The following CNIH3 variants were observed in gnomAD, a reference collection of about 807,000 sequenced individuals.
CNIH3 encodes protein cornichon homolog 3.
A neutral mutation model predicts 24.1 loss-of-function variants in CNIH3; 14 were observed. That is an observed-to-expected ratio of 0.58 (90% CI 0.38 to 0.91). The LOEUF (loss-of-function observed/expected upper bound fraction) is 0.91, where lower values mean the gene tolerates loss of function less well. CNIH3 is among the 40% of genes least tolerant of loss of function. The pLI is 0.00. For missense variants in CNIH3, 178 were observed against 196.8 expected, an observed-to-expected ratio of 0.90 and a Z score of 0.57; for synonymous variants, 68 against 73.8, an observed-to-expected ratio of 0.92 and a Z score of 0.40.
At chr1:224,463,784 T>A (rs1207656758) in intron 1 of CNIH3, among the ~76,000 whole-genome samples, 12 of 115,608 alleles carry the variant, frequency 1.0e-4, no homozygotes, top group South Asian at 3.1e-4. Context: ...TTTTTTTTTT[T>A]TTTTTTTTTT....
chr1:224,639,489 C>T (rs910836295), intron 1 of CNIH3, among the ~76,000 whole-genome samples: 5 of 152,180 alleles, frequency 3.3e-5, no homozygotes, highest in African/African-American at 4.8e-5. Flanking sequence ...AAAGGAACAG[C>T]GTGATAAGCA....
chr1:224,636,708 C>G (rs534262170), intron 1 of CNIH3, among the ~76,000 whole-genome samples: 1 of 152,164 alleles, frequency 6.6e-6, no homozygotes, highest in East Asian at 1.9e-4. Flanking sequence ...CTCCACAACT[C>G]CTAATTGGAT....
intron 1 of CNIH3, among the ~76,000 whole-genome samples, chr1:224,473,504 T>G (rs1025568937): frequency 6.6e-6 from 1 of 152,182 alleles, no homozygotes; most frequent in Non-Finnish European, 1.5e-5. Flanking sequence ...GTAGCTATAC[T>G]TATATCACAC....
At chr1:224,530,765 A>G (rs918684256) in intron 2 of CNIH3, among the ~76,000 whole-genome samples, 1 of 151,934 alleles carries the variant, frequency 6.6e-6, no homozygotes, top group Non-Finnish European at 1.5e-5. Context: ...ATGTGCGGCT[A>G]ATTTTTGTAT....
intron 1 of CNIH3, among the ~76,000 whole-genome samples, chr1:224,657,229 G>C (rs2125111976): frequency 6.6e-6 from 1 of 152,218 alleles, no homozygotes; most frequent in Non-Finnish European, 1.5e-5. Flanking sequence ...GACAGGAATG[G>C]AGGTGAGCAC....
upstream of CNIH3, among the ~76,000 whole-genome samples, chr1:224,512,914 C>T (rs1678216805): frequency 6.6e-6 from 1 of 152,190 alleles, no homozygotes. Flanking sequence ...GGAGACCTGG[C>T]TCTCCCGCTT....
chr1:224,461,608 C>T (rs1300739996), intron 1 of CNIH3, among the ~76,000 whole-genome samples: 1 of 152,190 alleles, frequency 6.6e-6, no homozygotes, highest in Non-Finnish European at 1.5e-5. Context: ...CTTCAGTTAC[C>T]ATAGTGATTT....
chr1:224,721,784 T>G (rs1162463571), intron 3 of CNIH3, among the ~76,000 whole-genome samples: 1 of 152,038 alleles, frequency 6.6e-6, no homozygotes, highest in African/African-American at 2.4e-5. Context: ...TGAGGCTGAA[T>G]GAAGAGGGGG....
chr1:224,603,936 C>G (rs559873039), intron 3 of CNIH3, among the ~76,000 whole-genome samples: 1 of 152,082 alleles, frequency 6.6e-6, no homozygotes, highest in Non-Finnish European at 1.5e-5. Flanking sequence ...ATATTTTATT[C>G]GTAAATTCTT....
intron 1 of CNIH3, among the ~76,000 whole-genome samples, chr1:224,438,654 A>G (rs972957848): frequency 6.6e-6 from 1 of 152,176 alleles, no homozygotes; most frequent in Non-Finnish European, 1.5e-5. Flanking sequence ...TTTCTTTGGA[A>G]CACTAAAATT....
At chr1:224,588,997 T>C (rs1305311113), downstream of CNIH3, among the ~76,000 whole-genome samples, 1 of 113,266 alleles carries the variant, frequency 8.8e-6, no homozygotes, top group South Asian at 3.5e-4. Context: ...GCCATTTTAC[T>C]GAGAAGCATG....
chr1:224,545,470 T>C (rs1354640396), intron 2 of CNIH3, among the ~76,000 whole-genome samples: 1 of 152,196 alleles, frequency 6.6e-6, no homozygotes, highest in Non-Finnish European at 1.5e-5. Context: ...GCTACCCAAA[T>C]TCCCAGGCAT....
chr1:224,579,939 C>T (rs1681201290), intron 4 of CNIH3, among the ~76,000 whole-genome samples: 1 of 152,184 alleles, frequency 6.6e-6, no homozygotes, highest in Non-Finnish European at 1.5e-5. Flanking sequence ...GTATTCCTTT[C>T]TAGCAACACA....
chr1:224,691,700 C>T (rs1686940564), intron 3 of CNIH3, among the ~76,000 whole-genome samples: 2 of 152,184 alleles, frequency 1.3e-5, no homozygotes, highest in African/African-American at 2.4e-5. Context: ...TCCTGACATG[C>T]GTAGATGTAA....
intron 3 of CNIH3, among the ~76,000 whole-genome samples, chr1:224,609,563 C>T (rs892621384): frequency 6.6e-6 from 1 of 152,112 alleles, no homozygotes; most frequent in African/African-American, 2.4e-5. Flanking sequence ...GGCTGGGAAG[C>T]AAGAGAGTAA....
At chr1:224,628,433 C>T (rs1219401194) in intron 1 of CNIH3, among the ~76,000 whole-genome samples, 2 of 152,072 alleles carry the variant, frequency 1.3e-5, no homozygotes, top group African/African-American at 4.8e-5. Context: ...TAAACAGTAG[C>T]TCCCCATTCT....
intron 1 of CNIH3, among the ~76,000 whole-genome samples, chr1:224,641,175 A>G (rs983269151): frequency 1.3e-5 from 2 of 152,172 alleles, no homozygotes; most frequent in East Asian, 1.9e-4. Context: ...CTCGGCATAC[A>G]TCGGCACTAC....
intron 2 of CNIH3, among the ~76,000 whole-genome samples, chr1:224,522,074 A>G (rs1190754515): frequency 2.0e-5 from 3 of 152,210 alleles, no homozygotes; most frequent in African/African-American, 7.2e-5. Flanking sequence ...CTTAGGACTC[A>G]CAGCATGTGC....
intron 3 of CNIH3, among the ~76,000 whole-genome samples, chr1:224,559,754 G>A (rs1292015405): frequency 6.6e-6 from 1 of 152,050 alleles, no homozygotes; most frequent in Non-Finnish European, 1.5e-5. Context: ...TGTTAGTAAA[G>A]TTTTTTTGAA....
Sources: gnomAD v4.1 joint callset for allele counts (sites outside exome capture counted in the v4.1 genomes callset) on GRCh38, gnomAD v4.1.1 for gene constraint, MANE v1.5 for transcripts, NCBI Gene and HGNC (gene_info 2026-07-23, HGNC 2026-07-21) for gene names.